The following RAB2B variants were observed in gnomAD, a reference collection of about 807,000 sequenced individuals.
RAB2B encodes ras-related protein Rab-2B.
A neutral mutation model predicts 29.8 loss-of-function variants in RAB2B; 20 were observed. That is an observed-to-expected ratio of 0.67 (90% CI 0.47 to 0.97). RAB2B has a LOEUF of 0.97. Among genes scored for constraint, RAB2B ranks in the 50% least tolerant of loss-of-function variants. The pLI, the probability that RAB2B is intolerant of heterozygous loss-of-function variation, is 0.00. For synonymous variants in RAB2B, 93 were observed against 91.7 expected, an observed-to-expected ratio of 1.01 and a Z score of -0.08; for missense variants, 218 against 272.0, an observed-to-expected ratio of 0.80 and a Z score of 1.40.
Position 21,460,125 on chromosome 14 carries a change from G to T in RAB2B, c.*1071C>A, listed in dbSNP as rs756134743. 1.9e-6 allele frequency: 1 copy of T among 518,068 alleles called. No individual in the cohort carries two copies. Among genetic ancestry groups the T allele is most frequent in the African/African-American group, 1.9e-5 (1 of 51,832 alleles). 32.1% of individuals were successfully genotyped at this position (518,068 alleles called of 1,614,324 possible). A position where few individuals can be genotyped will look rare whatever the true frequency, so the allele number is the denominator to read the frequency against. On this transcript the variant is annotated 3_prime_UTR_variant, in exon 8 of 8. Coordinates refer to ENST00000397762, the MANE Select transcript of RAB2B (RefSeq NM_032846.4). The stretch of plus-strand genomic sequence containing the variant: ...AAACTGCCTTCTACAAGAATTCTTA[G>T]GAAGTGGCAAGCAGACACCCAAAGG...
chr14:21,473,961 G>A (rs887507731), intron 3 of RAB2B, among the ~76,000 whole-genome samples: 23 of 152,080 alleles, frequency 1.5e-4, no homozygotes, highest in Non-Finnish European at 2.4e-4. Flanking sequence ...GCAGTGAGCT[G>A]AGATCACGCC....
At position 21,461,137 on chromosome 14, in the gene RAB2B, A is replaced by C; in HGVS notation, c.*59T>G. The C allele has an allele frequency of 8.4e-7, 1 of 1,186,826 alleles. No individual in the cohort carries two copies. Among genetic ancestry groups the C allele is most frequent in the Non-Finnish European group, 1.2e-6 (1 of 815,646 alleles). 73.5% of individuals were successfully genotyped at this position (1,186,826 alleles called of 1,614,324 possible). A position where few individuals can be genotyped will look rare whatever the true frequency, so the allele number is the denominator to read the frequency against. ...AGCCAAAGCAAGAAAGACCTCTTTC[A>C]TTAAGCCTATTGATCTGAAGCTATT... On this transcript the variant is annotated 3_prime_UTR_variant, in exon 8 of 8. Coordinates refer to ENST00000397762, the MANE Select transcript of RAB2B (RefSeq NM_032846.4).
At chr14:21,474,592 G>A (rs8005163) in intron 3 of RAB2B, 308,509 of 359,988 alleles carry the variant, frequency 0.86, 134,309 homozygotes, top group Non-Finnish European at 0.91. Flanking sequence ...AAGAGTTTAT[G>A]TATCAAAAGG....
At chr14:21,462,836 TAAA>T (rs1182397229) in intron 6 of RAB2B, among the ~76,000 whole-genome samples, 3 of 87,084 alleles carry the variant, frequency 3.4e-5, no homozygotes, top group Non-Finnish European at 2.4e-5. Flanking sequence ...AGACTCAGTC[TAAA>T]AAAAAAAAAA....
chr14:21,471,190 A>G (rs933353575), intron 3 of RAB2B, among the ~76,000 whole-genome samples: 1 of 151,816 alleles, frequency 6.6e-6, no homozygotes, highest in African/African-American at 2.4e-5. Flanking sequence ...AAAAAAAAAA[A>G]AATCACTCTA....
intron 6 of RAB2B, 121 bp from the exon 7 acceptor site, chr14:21,462,539 G>T: frequency 1.0e-6 from 1 of 981,836 alleles, no homozygotes; most frequent in Non-Finnish European, 1.4e-6. Context: ...TTAGAAGACA[G>T]TAAAAAACAT....
intron 7 of RAB2B, 114 bp downstream of exon 7, chr14:21,462,236 A>T: frequency 9.3e-5 from 60 of 643,224 alleles, no homozygotes; most frequent in Non-Finnish European, 1.3e-4. Flanking sequence ...GAATTGGCAG[A>T]GCTTTTAAAT....
intron 5 of RAB2B, among the ~76,000 whole-genome samples, chr14:21,466,716 T>C (rs1347747927): frequency 1.3e-5 from 2 of 152,220 alleles, no homozygotes; most frequent in Non-Finnish European, 2.9e-5. Context: ...ATTCGTTCAA[T>C]ATCTTCATAT....
intron 4 of RAB2B, 26 bp from the exon 5 acceptor site, chr14:21,468,475 G>A: frequency 6.3e-7 from 1 of 1,595,788 alleles, no homozygotes; most frequent in African/African-American, 1.3e-5. Flanking sequence ...TTAGAATGTG[G>A]GTCAGAGACA....
At chr14:21,473,564 C>G (rs1322865517) in intron 3 of RAB2B, among the ~76,000 whole-genome samples, 2 of 152,188 alleles carry the variant, frequency 1.3e-5, no homozygotes, top group Non-Finnish European at 2.9e-5. Flanking sequence ...AATTCTCAAA[C>G]ATTGGCATAA....
chr14:21,466,711 T>C lies in RAB2B; in HGVS notation c.362+1646A>G, dbSNP rs142571337. Among the ~76,000 whole-genome samples the C allele has an allele frequency of 5.7e-3, 873 of 152,292 alleles. 10 individuals are homozygous for C. Among genetic ancestry groups the C allele is most frequent in the African/African-American group, 0.019 (809 of 41,560 alleles). On this transcript the variant is annotated intron_variant, in intron 5 of 7. Coordinates refer to ENST00000397762, the MANE Select transcript of RAB2B (RefSeq NM_032846.4). ...CAATATCAGACCATGATAAAATTCG[T>C]TCAATATCTTCATATCTCTGAGAAG...
intron 5 of RAB2B, among the ~76,000 whole-genome samples, chr14:21,464,432 A>G (rs929445613): frequency 6.6e-6 from 1 of 152,134 alleles, no homozygotes; most frequent in African/African-American, 2.4e-5. Context: ...AACTCTAGTT[A>G]CTAGAAAGCA....
intron 5 of RAB2B, among the ~76,000 whole-genome samples, chr14:21,466,774 T>C (rs180890896): frequency 2.0e-4 from 31 of 152,316 alleles, no homozygotes; most frequent in Middle Eastern, 3.4e-3. Flanking sequence ...AAGCAAGCAC[T>C]ACACAAAAAT....
At position 21,476,954 on chromosome 14, in the gene RAB2B, A is replaced by ATCT. The variant is rs1186766198; in HGVS notation, c.-85_-83dup. The ATCT allele has an allele frequency of 5.4e-6, 8 of 1,468,000 alleles. No homozygotes were observed. Among genetic ancestry groups the ATCT allele is most frequent in the East Asian group, 2.3e-5 (1 of 44,152 alleles). 90.9% of individuals were successfully genotyped at this position (1,468,000 alleles called of 1,614,324 possible). On this transcript the variant is annotated 5_prime_UTR_variant, in exon 1 of 8. Coordinates refer to ENST00000397762, the MANE Select transcript of RAB2B (RefSeq NM_032846.4). ...ACCTCTCTAGCCACTCAATCTACCG[A>ATCT]TCTTCTTCTTCTCCCCCTTCCCCCC...
In RAB2B at chr14:21,469,953, TTTTTC is replaced by T. The variant is rs905560001; in HGVS notation, c.187-1206_187-1202del. Among the ~76,000 whole-genome samples the T allele has an allele frequency of 4.2e-5, 6 of 143,356 alleles. 1 individual carries two copies. The highest frequency in any genetic ancestry group is 1.8e-4 in the African/African-American group (6 of 33,582). The allele number at this position is 143,356 out of a possible 152,430, so 94.0% of individuals were successfully genotyped here. A position where few individuals can be genotyped will look rare whatever the true frequency, so the allele number is the denominator to read the frequency against. On this transcript the variant is annotated intron_variant, in intron 3 of 7. Transcript: ENST00000397762. ...GGCCGATATTATTATTCCCTTTTTTTTTTTCTTTTTTTTTTTGAGAGGGAGTCTCG... is the reference window on the plus strand; with the variant it reads ...GGCCGATATTATTATTCCCTTTTTTTTTTTTTTTTTTGAGAGGGAGTCTCG...
In RAB2B at chr14:21,461,159, T is replaced by TA; in HGVS notation, c.*36dup. The TA allele has an allele frequency of 7.2e-7, 1 of 1,396,946 alleles. No individual in the cohort carries two copies. Among genetic ancestry groups the TA allele is most frequent in the African/African-American group, 1.4e-5 (1 of 70,050 alleles). The allele number at this position is 1,396,946 out of a possible 1,614,324, so 86.5% of individuals were successfully genotyped here. On this transcript the variant is annotated 3_prime_UTR_variant, in exon 8 of 8. Coordinates refer to ENST00000397762, the MANE Select transcript of RAB2B (RefSeq NM_032846.4). ...TTCATTAAGCCTATTGATCTGAAGC[T>TA]ATTCCAGGAAGGACAAAAAAAGTTC...
In RAB2B at chr14:21,459,491, C is replaced by T. The variant is rs1363393460; in HGVS notation, c.*1705G>A. On this transcript the variant is annotated 3_prime_UTR_variant, in exon 8 of 8. Transcript: ENST00000397762. Reference sequence around the variant, plus strand: ...AACACATAATGAGTAGCACTAGGCACTGTAAAGGAATGATAGGGGGAATAA... The same window carrying T: ...AACACATAATGAGTAGCACTAGGCATTGTAAAGGAATGATAGGGGGAATAA... 6.6e-6 allele frequency: 1 copy of T among 152,022 alleles called. No homozygotes were observed. The highest frequency in any genetic ancestry group is 1.9e-4 in the East Asian group (1 of 5,192). 9.4% of individuals were successfully genotyped at this position (152,022 alleles called of 1,614,324 possible). A position where few individuals can be genotyped will look rare whatever the true frequency, so the allele number is the denominator to read the frequency against.
At chr14:21,471,622 A>G (rs1374156093) in intron 3 of RAB2B, among the ~76,000 whole-genome samples, 2 of 151,044 alleles carry the variant, frequency 1.3e-5, no homozygotes, top group Admixed American at 6.6e-5. Flanking sequence ...TGTCAAAAAA[A>G]AAAAAAAAAG....
At chr14:21,473,847 C>T (rs1183843650) in intron 3 of RAB2B, among the ~76,000 whole-genome samples, 1 of 152,010 alleles carries the variant, frequency 6.6e-6, no homozygotes, top group Non-Finnish European at 1.5e-5. Flanking sequence ...CCCCTCTCTA[C>T]TAAAAATACA....
Sources: allele counts gnomAD v4.1 joint callset (sites outside exome capture counted in the v4.1 genomes callset), GRCh38; gene constraint gnomAD v4.1.1; transcripts MANE v1.5; gene names NCBI Gene and HGNC (gene_info 2026-07-23, HGNC 2026-07-21).